TBC1D19: variants seen among roughly 807,000 people sequenced by gnomAD.
The protein encoded by TBC1D19 is TBC1 domain family, member 19.
In TBC1D19, 60 loss-of-function variants were observed where a neutral mutation model predicts 89.0. The observed-to-expected ratio is 0.67, with a 90% CI of 0.55 to 0.84. TBC1D19 has a LOEUF of 0.84. Ranked by LOEUF, TBC1D19 falls within the 40% of genes least tolerant of loss-of-function variation. The pLI, the probability that TBC1D19 is intolerant of heterozygous loss-of-function variation, is 0.00. For missense variants in TBC1D19, 500 were observed against 610.8 expected (o/e 0.82, Z 1.91); for synonymous variants, 189 against 199.7 (o/e 0.95, Z 0.45).
chr4:26,589,567 C>T (rs1739636485), intron 1 of TBC1D19, among the ~76,000 whole-genome samples: 1 of 152,154 alleles, frequency 6.6e-6, no homozygotes, highest in South Asian at 2.1e-4. Flanking sequence ...GCTTTCCCAG[C>T]TTTGGCATGT....
chr4:26,703,746 G>A (rs908899692), intron 13 of TBC1D19, among the ~76,000 whole-genome samples: 4 of 151,582 alleles, frequency 2.6e-5, no homozygotes, highest in Non-Finnish European at 4.4e-5. Flanking sequence ...GAGGTCAGGA[G>A]ATCGAGACCA....
the TBC1D19 span, among the ~76,000 whole-genome samples, chr4:26,851,711 G>C: frequency 6.6e-6 from 1 of 152,090 alleles, no homozygotes; most frequent in African/African-American, 2.4e-5. Context: ...TGAGAAGTAC[G>C]AGTTCTTTTT....
chr4:26,771,539 CATT>C, the TBC1D19 span, among the ~76,000 whole-genome samples: 1 of 152,132 alleles, frequency 6.6e-6, no homozygotes, highest in Non-Finnish European at 1.5e-5. Flanking sequence ...ACCTTGATGA[CATT>C]ATACTATGTG....
chr4:26,579,771 G>T (rs1356148839), upstream of TBC1D19, among the ~76,000 whole-genome samples: 2 of 151,026 alleles, frequency 1.3e-5, no homozygotes, highest in Admixed American at 1.3e-4. Context: ...TTGGTTTTCT[G>T]TTCCTGTGTT....
chr4:26,726,316 A>G (rs1413035427), intron 15 of TBC1D19, among the ~76,000 whole-genome samples: 1 of 152,200 alleles, frequency 6.6e-6, no homozygotes, highest in Admixed American at 6.5e-5. Flanking sequence ...AAAAATAATC[A>G]AAGTACATCA....
chr4:26,616,646 A>G (rs181453237), intron 3 of TBC1D19, among the ~76,000 whole-genome samples: 21 of 152,346 alleles, frequency 1.4e-4, no homozygotes, highest in Non-Finnish European at 2.4e-4. Flanking sequence ...TATACAGACT[A>G]TACAGACTGA....
chr4:26,612,199 A>G (rs964920232), intron 1 of TBC1D19, among the ~76,000 whole-genome samples: 4 of 150,682 alleles, frequency 2.7e-5, no homozygotes, highest in Non-Finnish European at 4.4e-5. Flanking sequence ...AATATTTTCC[A>G]AAGGATTTGG....
At chr4:26,797,006 TA>T in the TBC1D19 span, among the ~76,000 whole-genome samples, 2 of 152,144 alleles carry the variant, frequency 1.3e-5, no homozygotes, top group Admixed American at 1.3e-4. Flanking sequence ...AAGCTATTTT[TA>T]AAAAATTATT....
chr4:26,761,685 C>A, the TBC1D19 span, among the ~76,000 whole-genome samples: 8 of 151,358 alleles, frequency 5.3e-5, no homozygotes, highest in African/African-American at 1.9e-4. Flanking sequence ...GCTTTTTTTT[C>A]TTTTCTTATG....
chr4:26,663,635 T>A (rs1040673289), intron 8 of TBC1D19, among the ~76,000 whole-genome samples: 9 of 152,232 alleles, frequency 5.9e-5, no homozygotes, highest in African/African-American at 2.2e-4. Flanking sequence ...CAAAAGCTTG[T>A]AGCTAATTTT....
intron 1 of TBC1D19, among the ~76,000 whole-genome samples, chr4:26,590,900 C>T (rs1284576662): frequency 7.1e-6 from 1 of 140,178 alleles, no homozygotes; most frequent in Non-Finnish European, 1.5e-5. Flanking sequence ...ATCCTCCTGA[C>T]TCAGTCTCCT....
At chr4:26,730,980 C>T (rs1436336941) in intron 15 of TBC1D19, among the ~76,000 whole-genome samples, 1 of 152,176 alleles carries the variant, frequency 6.6e-6, no homozygotes, top group African/African-American at 2.4e-5. Flanking sequence ...ATAAGGAGTA[C>T]AGCCGGAGGA....
intron 12 of TBC1D19, 33 bp downstream of exon 12, chr4:26,683,782 A>G (rs373469832): frequency 3.2e-6 from 5 of 1,547,016 alleles, no homozygotes; most frequent in African/African-American, 1.4e-5. Flanking sequence ...TTTCCTTTTC[A>G]TTAATATAAT....
intron 15 of TBC1D19, among the ~76,000 whole-genome samples, chr4:26,726,018 A>G (rs906144972): frequency 6.6e-6 from 1 of 152,190 alleles, no homozygotes; most frequent in Non-Finnish European, 1.5e-5. Context: ...TAAATTTGTT[A>G]ATACCATTTG....
intron 1 of TBC1D19, among the ~76,000 whole-genome samples, chr4:26,585,645 G>A (rs1485203272): frequency 6.6e-6 from 1 of 151,818 alleles, no homozygotes; most frequent in Admixed American, 6.6e-5. Context: ...GTGCAGTGGT[G>A]TGATCTCGGC....
the TBC1D19 span, among the ~76,000 whole-genome samples, chr4:26,777,785 C>G: frequency 1.3e-5 from 2 of 152,040 alleles, no homozygotes; most frequent in Admixed American, 1.3e-4. Context: ...CACTGATAAT[C>G]AGAAAGATTT....
At chr4:26,814,306 TAAAC>T in the TBC1D19 span, among the ~76,000 whole-genome samples, 1 of 152,276 alleles carries the variant, frequency 6.6e-6, no homozygotes, top group South Asian at 2.1e-4. Flanking sequence ...GCGGTGATAA[TAAAC>T]AAATTGATAT....
At chr4:26,585,503 T>C (rs1739357492) in intron 1 of TBC1D19, among the ~76,000 whole-genome samples, 1 of 152,182 alleles carries the variant, frequency 6.6e-6, no homozygotes, top group African/African-American at 2.4e-5. Context: ...TGTCTTCTTA[T>C]TGTTGAGTTG....
At chr4:26,845,733 G>A in the TBC1D19 span, among the ~76,000 whole-genome samples, 2 of 152,346 alleles carry the variant, frequency 1.3e-5, no homozygotes, top group Non-Finnish European at 2.9e-5. Context: ...CATGGCAGAA[G>A]GTGAAGGAGC....
Sources: allele counts gnomAD v4.1 joint callset (sites outside exome capture counted in the v4.1 genomes callset), GRCh38; gene constraint gnomAD v4.1.1; transcripts MANE v1.5; gene names NCBI Gene and HGNC (gene_info 2026-07-23, HGNC 2026-07-21).